The following SNTG2 variants were observed in gnomAD, a reference collection of about 807,000 sequenced individuals.
SNTG2 encodes syntrophin gamma 2.
In SNTG2, 74 loss-of-function variants were observed where a neutral mutation model predicts 70.9. The ratio of observed to expected loss-of-function variants is 1.04; its 90% CI spans 0.86 to 1.27. The LOEUF (loss-of-function observed/expected upper bound fraction) is 1.27, where lower values mean the gene tolerates loss of function less well. SNTG2 is among the 50% of genes most tolerant of loss of function. The pLI is 0.00. For missense variants in SNTG2, 717 were observed against 690.7 expected (o/e 1.04, Z -0.43); for synonymous variants, 278 against 273.8 (o/e 1.02, Z -0.15).
At chr2:1,271,575 A>G (rs1057319474) in intron 14 of SNTG2, among the ~76,000 whole-genome samples, 1 of 152,028 alleles carries the variant, frequency 6.6e-6, no homozygotes, top group African/African-American at 2.4e-5. Context: ...AACAATACCT[A>G]TTGTTGCTAT....
intron 1 of SNTG2, among the ~76,000 whole-genome samples, chr2:1,010,522 G>T (rs73908649): frequency 2.3e-3 from 356 of 152,336 alleles, no homozygotes; most frequent in African/African-American, 8.3e-3. Flanking sequence ...ATCAGAGCCA[G>T]ACTATAATTA....
In SNTG2 at chr2:1,237,869, C is replaced by CA; in HGVS notation, c.720-18dup. 1 of 1,591,320 alleles carries CA rather than the reference C, an allele frequency of 6.3e-7. No homozygotes were observed. The highest frequency in any genetic ancestry group is 1.1e-5 in the South Asian group (1 of 87,130). ...TCCCGTCGCTGCGGGGCCTCCTGGA[C>CA]AGCTCTCTCCCTCCCCAGGTGGAAT... On this transcript the variant is annotated intron_variant, in intron 9 of 16. Coordinates refer to ENST00000308624, the MANE Select transcript of SNTG2 (RefSeq NM_018968.4).
In SNTG2 at chr2:1,290,317, CTT is replaced by C. The variant is rs34782770; in HGVS notation, c.1285-18163_1285-18162del. Among the ~76,000 whole-genome samples, 159 of 144,394 alleles carry C rather than the reference CTT, an allele frequency of 1.1e-3. 2 individuals are homozygous for C. The highest frequency in any genetic ancestry group is 1.4e-3 in the Admixed American group (20 of 14,522). 94.7% of individuals were successfully genotyped at this position (144,394 alleles called of 152,430 possible). A position where few individuals can be genotyped will look rare whatever the true frequency, so the allele number is the denominator to read the frequency against. ...GAGCATGAAGGGGAAGTTCTACATC[CTT>C]TTTTTTTTTTTTTGAGATGAACTTT... On this transcript the variant is annotated intron_variant, in intron 14 of 16. Coordinates refer to ENST00000308624, the MANE Select transcript of SNTG2 (RefSeq NM_018968.4).
chr2:956,802 G>A (rs536215028), intron 1 of SNTG2, among the ~76,000 whole-genome samples: 1 of 152,238 alleles, frequency 6.6e-6, no homozygotes, highest in Non-Finnish European at 1.5e-5. Flanking sequence ...CTATGAACTA[G>A]AGAGAAAGTT....
At chr2:1,251,195 T>C (rs1677733882) in intron 12 of SNTG2, among the ~76,000 whole-genome samples, 1 of 152,236 alleles carries the variant, frequency 6.6e-6, no homozygotes, top group Non-Finnish European at 1.5e-5. Flanking sequence ...TTAAGGAAGC[T>C]GGATGTTACT....
At chr2:1,051,181 C>CCT (rs767832657) in intron 1 of SNTG2, among the ~76,000 whole-genome samples, 25 of 146,710 alleles carry the variant, frequency 1.7e-4, no homozygotes, top group African/African-American at 2.8e-4. Context: ...TCCCTCCCTC[C>CCT]TTCCTTTCCT....
chr2:1,057,389 G>C (rs1662533660), intron 1 of SNTG2, among the ~76,000 whole-genome samples: 1 of 152,066 alleles, frequency 6.6e-6, no homozygotes, highest in African/African-American at 2.4e-5. Context: ...ATGTAAAGGG[G>C]AGCATATTAA....
At chr2:1,111,116 G>A (rs916429539) in intron 4 of SNTG2, among the ~76,000 whole-genome samples, 2 of 152,190 alleles carry the variant, frequency 1.3e-5, no homozygotes, top group African/African-American at 4.8e-5. Context: ...CAGATTGAAT[G>A]AAGAATATTC....
At chr2:1,290,606 A>G (rs1679951772) in intron 14 of SNTG2, among the ~76,000 whole-genome samples, 1 of 152,086 alleles carries the variant, frequency 6.6e-6, no homozygotes, top group Non-Finnish European at 1.5e-5. Context: ...GAGCCACTGC[A>G]CCCAGCTGAG....
chr2:1,130,312 C>T (rs1667940383), intron 4 of SNTG2, among the ~76,000 whole-genome samples: 1 of 152,134 alleles, frequency 6.6e-6, no homozygotes, highest in African/African-American at 2.4e-5. Flanking sequence ...AATAAACTCA[C>T]AGTTTAAAAA....
chr2:1,077,833 A>G (rs1387885729), intron 1 of SNTG2, among the ~76,000 whole-genome samples: 1 of 152,168 alleles, frequency 6.6e-6, no homozygotes, highest in African/African-American at 2.4e-5. Context: ...TACTACATTG[A>G]GCAGTAGTCT....
At chr2:1,067,447 A>G (rs1033108816) in intron 1 of SNTG2, among the ~76,000 whole-genome samples, 9 of 152,236 alleles carry the variant, frequency 5.9e-5, no homozygotes, top group African/African-American at 1.9e-4. Context: ...AGCATTCACA[A>G]TCTTCCATGG....
At chr2:1,022,933 A>G (rs1660273921) in intron 1 of SNTG2, among the ~76,000 whole-genome samples, 1 of 152,156 alleles carries the variant, frequency 6.6e-6, no homozygotes, top group Non-Finnish European at 1.5e-5. Context: ...TTTAAGAAAC[A>G]AGAGAAGATA....
chr2:994,351 T>C (rs748756072), intron 1 of SNTG2, among the ~76,000 whole-genome samples: 233 of 152,224 alleles, frequency 1.5e-3, no homozygotes, highest in Admixed American at 5.0e-3. Context: ...TCATTCCCAT[T>C]CCATTGATCT....
Position 1,167,920 on chromosome 2 carries a change from G to C in SNTG2, c.499+2285G>C, listed in dbSNP as rs867279789. ...CCACAGACGGCAGAACTGAAGCCTAGAAGCCGCCCACAGACGGCAGAACTG... is the reference window on the plus strand; with the variant it reads ...CCACAGACGGCAGAACTGAAGCCTACAAGCCGCCCACAGACGGCAGAACTG... On this transcript the variant is annotated intron_variant, in intron 7 of 16. Transcript: ENST00000308624. Among the ~76,000 whole-genome samples, 246 of 57,282 alleles carry C rather than the reference G, an allele frequency of 4.3e-3. 2 individuals carry two copies. The Middle Eastern group carries it at 0.05, about 12-fold the overall frequency. The allele number at this position is 57,282 out of a possible 152,430, so 37.6% of individuals were successfully genotyped here. A position where few individuals can be genotyped will look rare whatever the true frequency, so the allele number is the denominator to read the frequency against.
At chr2:992,489 A>G (rs1353459742) in intron 1 of SNTG2, among the ~76,000 whole-genome samples, 1 of 152,218 alleles carries the variant, frequency 6.6e-6, no homozygotes, top group East Asian at 1.9e-4. Context: ...AATATTTAAT[A>G]AAAGACTTCA....
intron 1 of SNTG2, among the ~76,000 whole-genome samples, chr2:997,206 T>C (rs1249301912): frequency 1.3e-5 from 2 of 152,300 alleles, no homozygotes; most frequent in Admixed American, 6.5e-5. Flanking sequence ...TATGAGAACA[T>C]GTACTGGGGG....
chr2:1,303,262 A>G (rs1271994111), intron 14 of SNTG2, among the ~76,000 whole-genome samples: 2 of 152,218 alleles, frequency 1.3e-5, no homozygotes, highest in East Asian at 1.9e-4. Context: ...ACAAGCATCA[A>G]CAAATTTGTA....
intron 14 of SNTG2, among the ~76,000 whole-genome samples, chr2:1,301,186 C>T (rs971502524): frequency 2.0e-5 from 3 of 152,184 alleles, no homozygotes; most frequent in South Asian, 4.2e-4. Flanking sequence ...ATGCATGGAG[C>T]TCTCAGTGGA....
Sources: gnomAD v4.1 joint callset for allele counts (sites outside exome capture counted in the v4.1 genomes callset) on GRCh38, gnomAD v4.1.1 for gene constraint, MANE v1.5 for transcripts, NCBI Gene and HGNC (gene_info 2026-07-23, HGNC 2026-07-21) for gene names.